Variants in DMC1 observed in about 807,000 individuals in gnomAD.
DMC1 encodes DNA meiotic recombinase 1, also known as meiotic recombination protein DMC1 homolog.
DMC1 carries 27 observed loss-of-function variants against 50.1 expected under a neutral mutation model. The ratio of observed to expected loss-of-function variants is 0.54; its 90% CI spans 0.40 to 0.74. The LOEUF (loss-of-function observed/expected upper bound fraction) is 0.74, where lower values mean the gene tolerates loss of function less well. Ranked by LOEUF, DMC1 falls within the 30% of genes least tolerant of loss-of-function variation. The probability of loss-of-function intolerance (pLI) is 0.00; values close to 1 mark genes in which losing one functional copy is unlikely to be tolerated. For synonymous variants in DMC1, 148 were observed against 136.1 expected (o/e 1.09, Z -0.61); for missense variants, 295 against 420.2 (o/e 0.70, Z 2.60).
chr22:38,562,547 C>A (rs1297740714), intron 4 of DMC1, among the ~76,000 whole-genome samples, 178 bp from the exon 5 acceptor site: 1 of 152,076 alleles, frequency 6.6e-6, no homozygotes, highest in African/African-American at 2.4e-5. Context: ...TAGAGCTGCC[C>A]TTTCTAGGTT....
rs540946349 is a variant in DMC1 at position 38,539,019 on chromosome 22, G to C, written c.586+302C>G. On this transcript the variant is annotated intron_variant, in intron 9 of 13. Transcript: ENST00000216024. ...CCACTGCACTCCAGCCTGAGTGACA[G>C]AGCGAGACTCCATCTCAAAAAAAAA... Among the ~76,000 whole-genome samples, 12 of 150,492 alleles carry C rather than the reference G, an allele frequency of 8.0e-5. No individual in the cohort carries two copies. In the East Asian group the frequency reaches 1.7e-3, roughly 22 times the overall value.
intron 12 of DMC1, among the ~76,000 whole-genome samples, chr22:38,533,530 G>T (rs981950095): frequency 2.0e-5 from 3 of 151,788 alleles, no homozygotes; most frequent in Non-Finnish European, 4.4e-5. Context: ...GTAATTTACA[G>T]AATTTACTCC....
chr22:38,532,318 C>G (rs950797919), intron 12 of DMC1, among the ~76,000 whole-genome samples: 1 of 139,620 alleles, frequency 7.2e-6, no homozygotes, highest in Non-Finnish European at 1.6e-5. Flanking sequence ...TATTGTCTTT[C>G]TTTTTTTTTT....
At chr22:38,566,463 G>A (rs2090582012) in intron 4 of DMC1, 127 bp downstream of exon 4, 3 of 975,518 alleles carry the variant, frequency 3.1e-6, no homozygotes, top group Non-Finnish European at 4.7e-6. Context: ...AGTTAACATG[G>A]GGAGTATAAT....
At chr22:38,559,296 G>T (rs920934962) in intron 5 of DMC1, among the ~76,000 whole-genome samples, 2 of 152,062 alleles carry the variant, frequency 1.3e-5, no homozygotes, top group African/African-American at 4.8e-5. Flanking sequence ...CTCCCAAAAC[G>T]CTGGGATTAA....
chr22:38,512,599 A>G, the DMC1 span, among the ~76,000 whole-genome samples: 1 of 152,226 alleles, frequency 6.6e-6, no homozygotes, highest in Non-Finnish European at 1.5e-5. Flanking sequence ...AGCCTGGCGT[A>G]GGAAAGCACG....
chr22:38,545,055 A>C (rs1345848231), intron 8 of DMC1, among the ~76,000 whole-genome samples: 2 of 152,190 alleles, frequency 1.3e-5, no homozygotes, highest in Non-Finnish European at 2.9e-5. Context: ...GAGAAATGCA[A>C]ATCAAAACTA....
chr22:38,537,040 C>A (rs560362097), intron 12 of DMC1, among the ~76,000 whole-genome samples: 1 of 151,662 alleles, frequency 6.6e-6, no homozygotes, highest in East Asian at 2.0e-4. Context: ...TTAGTAGAGA[C>A]GAGGCTTCAT....
intron 4 of DMC1, among the ~76,000 whole-genome samples, chr22:38,563,844 C>T (rs1419033751): frequency 2.0e-5 from 3 of 151,998 alleles, no homozygotes; most frequent in Admixed American, 1.3e-4. Flanking sequence ...GGACTACAGG[C>T]GCCTGCCACC....
intron 5 of DMC1, among the ~76,000 whole-genome samples, chr22:38,561,354 G>A (rs938547637): frequency 6.7e-6 from 1 of 148,726 alleles, no homozygotes; most frequent in African/African-American, 2.6e-5. Flanking sequence ...TCTTCTCCCT[G>A]ACTCCATCTC....
At chr22:38,544,268 CT>C (rs1272743345) in intron 8 of DMC1, among the ~76,000 whole-genome samples, 1 of 152,218 alleles carries the variant, frequency 6.6e-6, no homozygotes, top group Non-Finnish European at 1.5e-5. Context: ...CTGGAAACTG[CT>C]TATGGCAAAC....
intron 13 of DMC1, among the ~76,000 whole-genome samples, chr22:38,520,938 G>C (rs574291920): frequency 6.2e-4 from 94 of 150,664 alleles, no homozygotes; most frequent in Non-Finnish European, 2.7e-4. Context: ...GTGCAGTGGC[G>C]CGATCTCGGC....
intron 12 of DMC1, among the ~76,000 whole-genome samples, chr22:38,523,430 G>C (rs1316743741): frequency 2.0e-5 from 3 of 152,122 alleles, no homozygotes; most frequent in Non-Finnish European, 4.4e-5. Flanking sequence ...GAGACCCTGA[G>C]GATATTCTCA....
chr22:38,555,468 G>GA (rs1416806495), intron 5 of DMC1, 59 bp from the exon 6 acceptor site: 1 of 1,121,392 alleles, frequency 8.9e-7, no homozygotes, highest in Middle Eastern at 2.0e-4. Context: ...TAAGAGAGGA[G>GA]AAAGTATTCA....
At chr22:38,553,378 G>A (rs1255907025) in intron 6 of DMC1, among the ~76,000 whole-genome samples, 1 of 149,392 alleles carries the variant, frequency 6.7e-6, no homozygotes, top group Non-Finnish European at 1.5e-5. Flanking sequence ...GGCGCCTGTA[G>A]TCCCAGCTAC....
chr22:38,529,796 C>T (rs2090135086), intron 12 of DMC1, among the ~76,000 whole-genome samples: 1 of 152,150 alleles, frequency 6.6e-6, no homozygotes. Context: ...GAATAATCAT[C>T]ATGCCTACCT....
chr22:38,554,624 G>A (rs2090449583), intron 6 of DMC1, among the ~76,000 whole-genome samples: 1 of 151,112 alleles, frequency 6.6e-6, no homozygotes, highest in African/African-American at 2.4e-5. Context: ...GATTGCTTGA[G>A]TCCAGGAGTT....
At chr22:38,539,492 C>T (rs914810768) in intron 8 of DMC1, 80 bp from the exon 9 acceptor site, 17 of 1,090,600 alleles carry the variant, frequency 1.6e-5, no homozygotes, top group South Asian at 3.8e-5. Flanking sequence ...TAATATCTTC[C>T]GTAAATTAAC....
intron 1 of DMC1, 151 bp from the exon 2 acceptor site, chr22:38,568,440 G>A: frequency 1.5e-6 from 1 of 647,038 alleles, no homozygotes; most frequent in Non-Finnish European, 2.7e-6. Flanking sequence ...CGAGACATGT[G>A]ACATTATTTC....
Sources: allele counts gnomAD v4.1 joint callset (sites outside exome capture counted in the v4.1 genomes callset), GRCh38; gene constraint gnomAD v4.1.1; transcripts MANE v1.5; gene names NCBI Gene and HGNC (gene_info 2026-07-23, HGNC 2026-07-21).